CHRM3: variants seen among roughly 807,000 people sequenced by gnomAD.
The protein encoded by CHRM3 is muscarinic acetylcholine receptor M3.
CHRM3 carries 11 observed loss-of-function variants against 41.8 expected under a neutral mutation model. The ratio of observed to expected loss-of-function variants is 0.26; its 90% CI spans 0.17 to 0.44. The LOEUF (loss-of-function observed/expected upper bound fraction) is 0.44. Ranked by LOEUF, CHRM3 falls within the 20% of genes least tolerant of loss-of-function variation. The probability of loss-of-function intolerance (pLI) is 1.00; values close to 1 mark genes in which losing one functional copy is unlikely to be tolerated. For synonymous variants in CHRM3, 297 were observed against 301.4 expected (o/e 0.99, Z 0.15); for missense variants, 571 against 745.4 (o/e 0.77, Z 2.72).
intron 5 of CHRM3, among the ~76,000 whole-genome samples, chr1:239,773,038 T>C (rs1238956026): frequency 6.6e-6 from 1 of 152,198 alleles, no homozygotes; most frequent in Non-Finnish European, 1.5e-5. Context: ...TTTTTTGAGA[T>C]GTTTTGAGAT....
At chr1:239,430,935 T>A (rs1662791186) in intron 1 of CHRM3, among the ~76,000 whole-genome samples, 1 of 152,076 alleles carries the variant, frequency 6.6e-6, no homozygotes, top group Non-Finnish European at 1.5e-5. Context: ...ATGAATAATA[T>A]AAACACATTT....
intron 2 of CHRM3, among the ~76,000 whole-genome samples, chr1:239,505,743 A>G (rs1668524412): frequency 6.6e-6 from 1 of 152,204 alleles, no homozygotes. Flanking sequence ...CAGATGTTGT[A>G]AGAGTTTGGA....
chr1:239,417,972 C>T (rs1026620071), intron 1 of CHRM3, among the ~76,000 whole-genome samples: 36 of 152,274 alleles, frequency 2.4e-4, no homozygotes, highest in African/African-American at 7.9e-4. Context: ...GTTGCTATGT[C>T]TTGATAAGAA....
In CHRM3 at chr1:239,387,370, A is replaced by T. The variant is rs1453150537; in HGVS notation, c.-521+143A>T. 6.6e-6 allele frequency: 1 copy of T among 151,936 alleles called. No homozygotes were observed. The highest frequency in any genetic ancestry group is 6.6e-5 in the Admixed American group (1 of 15,230). 9.4% of individuals were successfully genotyped at this position (151,936 alleles called of 1,614,324 possible). ...AGGTCTTGTGTTTGGAGTCCAAAGA[A>T]GGGGCTGGGTAGGGACGAGAGAGGC... is the stretch of plus-strand genomic sequence containing the variant. On this transcript the variant is annotated intron_variant, in intron 1 of 6. Coordinates refer to ENST00000676153, the MANE Select transcript of CHRM3 (RefSeq NM_001375978.1). This position sits in a 1 kb window ranked among gnomAD's most constrained non-coding sequence, Gnocchi z 5.1.
At chr1:239,497,456 T>G (rs1411634530) in intron 2 of CHRM3, among the ~76,000 whole-genome samples, 9 of 152,190 alleles carry the variant, frequency 5.9e-5, no homozygotes. Flanking sequence ...CTCACTCTTT[T>G]GCTGGCTCAT....
At chr1:239,659,707 A>G (rs558348920) in intron 4 of CHRM3, among the ~76,000 whole-genome samples, 12 of 152,336 alleles carry the variant, frequency 7.9e-5, no homozygotes, top group African/African-American at 2.2e-4. Flanking sequence ...ACTGAACCAC[A>G]GAAAGTTATT....
intron 1 of CHRM3, among the ~76,000 whole-genome samples, chr1:239,403,582 G>A (rs1244055872): frequency 6.6e-6 from 1 of 152,084 alleles, no homozygotes; most frequent in African/African-American, 2.4e-5. Flanking sequence ...TTTGAGAGGG[G>A]TAGTCTTTTG....
chr1:239,672,245 C>T (rs542857123), intron 4 of CHRM3, among the ~76,000 whole-genome samples: 14 of 152,168 alleles, frequency 9.2e-5, no homozygotes, highest in African/African-American at 2.6e-4. Context: ...TGGATGAAGG[C>T]GGCTCTGTCC....
chr1:239,604,702 A>T (rs992229582), intron 3 of CHRM3, among the ~76,000 whole-genome samples: 2 of 152,216 alleles, frequency 1.3e-5, no homozygotes, highest in Admixed American at 6.5e-5. Context: ...ATGATATCTG[A>T]TGCATTCCAA....
At chr1:239,667,454 T>G (rs544553396) in intron 4 of CHRM3, among the ~76,000 whole-genome samples, 1 of 152,150 alleles carries the variant, frequency 6.6e-6, no homozygotes, top group South Asian at 2.1e-4. Context: ...TACAAGGCCT[T>G]TTCTCCCCTA....
chr1:239,466,954 C>T (rs1286794225), intron 1 of CHRM3, among the ~76,000 whole-genome samples: 3 of 152,140 alleles, frequency 2.0e-5, no homozygotes, highest in African/African-American at 7.2e-5. Flanking sequence ...TTTTGGACTC[C>T]TGCCGTTGTG....
intron 1 of CHRM3, among the ~76,000 whole-genome samples, chr1:239,404,416 AAGAAAGAAAGAAAG>A (rs1660353310): frequency 9.7e-4 from 76 of 78,414 alleles, no homozygotes; most frequent in African/African-American, 4.0e-3. Flanking sequence ...AAGAAAAAGA[AAGAAAGAAAGAAAG>A]AAAGAAAGAA....
At chr1:239,408,537 A>C (rs1253043930) in intron 1 of CHRM3, among the ~76,000 whole-genome samples, 10 of 151,584 alleles carry the variant, frequency 6.6e-5, no homozygotes, top group Non-Finnish European at 1.3e-4. Context: ...AAAAAAAAAA[A>C]AAAAAAACTC....
At chr1:239,770,276 C>T (rs1465776602) in intron 5 of CHRM3, among the ~76,000 whole-genome samples, 1 of 152,182 alleles carries the variant, frequency 6.6e-6, no homozygotes, top group Non-Finnish European at 1.5e-5. Flanking sequence ...TGGGCCTAGA[C>T]AGTGTATGTG....
chr1:239,791,740 C>G (rs1048645042), intron 5 of CHRM3, among the ~76,000 whole-genome samples: 6 of 152,088 alleles, frequency 3.9e-5, no homozygotes, highest in African/African-American at 1.4e-4. Flanking sequence ...TCATTAGGCA[C>G]ATAGGCACAG....
chr1:239,692,381 A>G (rs553375443), intron 5 of CHRM3, among the ~76,000 whole-genome samples: 1 of 152,256 alleles, frequency 6.6e-6, no homozygotes, highest in East Asian at 1.9e-4. Flanking sequence ...GTGGTTAGTT[A>G]TTTTTTTAAA....
At chr1:239,576,717 TG>T (rs1463056424) in intron 3 of CHRM3, among the ~76,000 whole-genome samples, 1 of 151,452 alleles carries the variant, frequency 6.6e-6, no homozygotes, top group East Asian at 1.9e-4. Context: ...ACCTGGAGTT[TG>T]GGGCTGCAGT....
intron 5 of CHRM3, among the ~76,000 whole-genome samples, chr1:239,724,373 G>T (rs991489164): frequency 6.6e-6 from 1 of 151,954 alleles, no homozygotes; most frequent in Admixed American, 6.6e-5. Flanking sequence ...AGATTAAGCT[G>T]TTTTCTTTTT....
chr1:239,745,799 A>T (rs887048837), intron 5 of CHRM3, among the ~76,000 whole-genome samples: 7 of 152,172 alleles, frequency 4.6e-5, no homozygotes, highest in South Asian at 4.1e-4. Flanking sequence ...AAAAGAAGAC[A>T]TTTATGCAGC....
Sources: gnomAD v4.1 joint callset for allele counts (sites outside exome capture counted in the v4.1 genomes callset) on GRCh38, gnomAD v4.1.1 for gene constraint, Gnocchi (gnomAD v3.1) non-coding constraint, MANE v1.5 for transcripts, NCBI Gene and HGNC (gene_info 2026-07-23, HGNC 2026-07-21) for gene names.